Variants in RABGEF1 observed in about 807,000 individuals in gnomAD.
RABGEF1 encodes rab5 GDP/GTP exchange factor.
A neutral mutation model predicts 57.3 loss-of-function variants in RABGEF1; 26 were observed. The ratio of observed to expected loss-of-function variants is 0.45; its 90% CI spans 0.33 to 0.63. The LOEUF is 0.63. Among genes scored for constraint, RABGEF1 ranks in the 20% least tolerant of loss-of-function variants. RABGEF1 has a pLI of 0.02. For missense variants in RABGEF1, 464 were observed against 607.6 expected (o/e 0.76, Z 2.48); for synonymous variants, 185 against 210.7 (o/e 0.88, Z 1.06).
chr7:66,754,737 C>T (rs190435675), intron 1 of RABGEF1, among the ~76,000 whole-genome samples: 159 of 152,322 alleles, frequency 1.0e-3, no homozygotes, highest in South Asian at 2.3e-3. Flanking sequence ...TGAATAAATA[C>T]ATTTCACGTC....
At chr7:66,724,961 TTA>T (rs1796438157) in intron 2 of RABGEF1, among the ~76,000 whole-genome samples, 1 of 152,194 alleles carries the variant, frequency 6.6e-6, no homozygotes, top group African/African-American at 2.4e-5. Flanking sequence ...ATCTTAGACA[TTA>T]TGTTTTCAGC....
rs1253498219 is a variant in RABGEF1 at position 66,810,229 on chromosome 7, G to A, written c.*945G>A. On this transcript the variant is annotated 3_prime_UTR_variant, in exon 9 of 9. Coordinates refer to ENST00000284957, the MANE Select transcript of RABGEF1 (RefSeq NM_014504.3). Reference sequence around the variant, plus strand: ...ATAATATACATTTGACTTTGCAAACGTCTAGACATGTTTTCTGAACCTTTT... The same window carrying A: ...ATAATATACATTTGACTTTGCAAACATCTAGACATGTTTTCTGAACCTTTT... 6.6e-6 allele frequency: 1 copy of A among 152,134 alleles called. No homozygotes were observed. The highest frequency in any genetic ancestry group is 1.9e-4 in the East Asian group (1 of 5,186). 9.4% of individuals were successfully genotyped at this position (152,134 alleles called of 1,614,324 possible). A position where few individuals can be genotyped will look rare whatever the true frequency, so the allele number is the denominator to read the frequency against.
At chr7:66,666,311 A>G in the RABGEF1 span, 3 of 152,192 alleles carry the variant, frequency 2.0e-5, no homozygotes, top group African/African-American at 7.2e-5. Context: ...ATATCACCCG[A>G]GGAGTCCCAA....
At chr7:66,654,906 G>C in the RABGEF1 span, among the ~76,000 whole-genome samples, 1 of 152,246 alleles carries the variant, frequency 6.6e-6, no homozygotes, top group Non-Finnish European at 1.5e-5. Flanking sequence ...GCCCGGACAA[G>C]CCCTTGAAGG....
chr7:66,724,148 TTTCCCCCC>T (rs928157323), intron 2 of RABGEF1, among the ~76,000 whole-genome samples: 19 of 152,138 alleles, frequency 1.2e-4, no homozygotes, highest in Admixed American at 8.5e-4. Flanking sequence ...TTAACAGCTT[TTTCCCCCC>T]AGCACTCTAA....
intron 8 of RABGEF1, among the ~76,000 whole-genome samples, 182 bp downstream of exon 8, chr7:66,805,578 A>C (rs1291335169): frequency 6.6e-6 from 1 of 152,252 alleles, no homozygotes; most frequent in Non-Finnish European, 1.5e-5. Flanking sequence ...TCCGCCTCCC[A>C]GCACTTGATC....
chr7:66,787,200 C>T (rs996640610), intron 4 of RABGEF1, among the ~76,000 whole-genome samples: 72 of 140,470 alleles, frequency 5.1e-4, no homozygotes, highest in Non-Finnish European at 4.4e-4. Context: ...ATAATTTTTA[C>T]TTTTTTTTTT....
chr7:66,764,939 G>A (rs1276146863), intron 1 of RABGEF1, among the ~76,000 whole-genome samples: 1 of 152,140 alleles, frequency 6.6e-6, no homozygotes, highest in Non-Finnish European at 1.5e-5. Flanking sequence ...GCCATTCTGG[G>A]CCCTTGTTAT....
the RABGEF1 span, among the ~76,000 whole-genome samples, chr7:66,655,213 G>T: frequency 6.6e-6 from 1 of 152,222 alleles, no homozygotes; most frequent in Admixed American, 6.5e-5. Context: ...TGAGGGCGAG[G>T]CTGCAGGGCT....
At chr7:66,727,391 C>T (rs1796710818) in intron 2 of RABGEF1, among the ~76,000 whole-genome samples, 1 of 152,218 alleles carries the variant, frequency 6.6e-6, no homozygotes, top group Non-Finnish European at 1.5e-5. Flanking sequence ...CTGGCCACCC[C>T]ATCCCATGGC....
chr7:66,729,825 G>C (rs1584988585), intron 2 of RABGEF1, among the ~76,000 whole-genome samples: 1 of 152,376 alleles, frequency 6.6e-6, no homozygotes, highest in East Asian at 1.9e-4. Flanking sequence ...ACGTCTGCCT[G>C]TGAGCTGGGA....
the RABGEF1 span, among the ~76,000 whole-genome samples, chr7:66,666,524 G>A: frequency 6.6e-6 from 1 of 152,184 alleles, no homozygotes; most frequent in Non-Finnish European, 1.5e-5. Context: ...CAGGCTCCCA[G>A]CTCAGGGTAT....
chr7:66,712,846 G>T (rs1584869522), intron 2 of RABGEF1, among the ~76,000 whole-genome samples: 2 of 139,058 alleles, frequency 1.4e-5, no homozygotes, highest in African/African-American at 2.7e-5. Flanking sequence ...ACAGGGTCTT[G>T]CTTAGTCACC....
intron 3 of RABGEF1, among the ~76,000 whole-genome samples, chr7:66,781,850 C>T (rs1004898032): frequency 6.6e-6 from 1 of 152,214 alleles, no homozygotes; most frequent in Non-Finnish European, 1.5e-5. Flanking sequence ...AGTGGCCTCT[C>T]CCTGTGCCAA....
upstream of RABGEF1, among the ~76,000 whole-genome samples, chr7:66,678,736 G>A (rs986938574): frequency 6.6e-6 from 1 of 151,948 alleles, no homozygotes; most frequent in Non-Finnish European, 1.5e-5. Context: ...CAAACTCCTG[G>A]CCCCAGGCAG....
At chr7:66,757,803 G>T (rs1279468149) in intron 1 of RABGEF1, among the ~76,000 whole-genome samples, 1 of 152,124 alleles carries the variant, frequency 6.6e-6, no homozygotes, top group Non-Finnish European at 1.5e-5. Context: ...AGTAGAGACG[G>T]GGTTTCACCG....
intron 4 of RABGEF1, among the ~76,000 whole-genome samples, chr7:66,790,807 T>C (rs1163054265): frequency 2.1e-4 from 32 of 152,232 alleles, no homozygotes; most frequent in Non-Finnish European, 1.5e-5. Context: ...TAGTACCGCA[T>C]GTTTAATAAT....
chr7:66,764,730 T>C (rs1805279118), intron 1 of RABGEF1, among the ~76,000 whole-genome samples: 1 of 152,184 alleles, frequency 6.6e-6, no homozygotes, highest in Admixed American at 6.5e-5. Context: ...CTTTTCTCCA[T>C]TGAGTAGTCT....
intron 7 of RABGEF1, among the ~76,000 whole-genome samples, chr7:66,801,825 T>A (rs533158566): frequency 2.0e-4 from 31 of 152,342 alleles, no homozygotes; most frequent in African/African-American, 7.5e-4. Flanking sequence ...TCTGTGTGGC[T>A]ATGGGGGCAG....
Sources: gnomAD v4.1 joint callset for allele counts (sites outside exome capture counted in the v4.1 genomes callset) on GRCh38, gnomAD v4.1.1 for gene constraint, MANE v1.5 for transcripts, NCBI Gene and HGNC (gene_info 2026-07-23, HGNC 2026-07-21) for gene names.